Variants in DEPTOR observed in about 807,000 individuals in gnomAD.
DEPTOR encodes DEP domain-containing mTOR-interacting protein.
In DEPTOR, 41 loss-of-function variants were observed where a neutral mutation model predicts 41.6. That is an observed-to-expected ratio of 0.98 (90% CI 0.77 to 1.28). The LOEUF is 1.28. Among genes scored for constraint, DEPTOR ranks in the 50% most tolerant of loss-of-function variants. The probability of loss-of-function intolerance (pLI) is 0.00; values close to 1 mark genes in which losing one functional copy is unlikely to be tolerated. For missense variants in DEPTOR, 514 were observed against 527.9 expected (o/e 0.97, Z 0.26); for synonymous variants, 195 against 192.3 (o/e 1.01, Z -0.12).
intron 3 of DEPTOR, among the ~76,000 whole-genome samples, chr8:119,943,477 C>T (rs1273077507): frequency 6.6e-6 from 1 of 152,134 alleles, no homozygotes; most frequent in Non-Finnish European, 1.5e-5. Context: ...TGAGAACTCA[C>T]TCACTATCAC....
intron 1 of DEPTOR, among the ~76,000 whole-genome samples, chr8:119,893,543 C>T (rs931814489): frequency 3.9e-5 from 6 of 152,072 alleles, no homozygotes; most frequent in African/African-American, 7.2e-5. Flanking sequence ...GATCTTCTCT[C>T]CTAGGCCAGG....
At chr8:119,993,506 A>G (rs1452686876) in intron 4 of DEPTOR, among the ~76,000 whole-genome samples, 9 of 152,250 alleles carry the variant, frequency 5.9e-5, no homozygotes. Flanking sequence ...AACTGGTAAG[A>G]TCACAACTGG....
chr8:119,980,515 C>CTTTTCTTTTCTTTTCTTT (rs1828752225), intron 4 of DEPTOR, among the ~76,000 whole-genome samples: 4 of 41,526 alleles, frequency 9.6e-5, no homozygotes, highest in African/African-American at 4.0e-4. Flanking sequence ...TTTCTTTTCT[C>CTTTTCTTTTCTTTTCTTT]TCTTTGTGTT....
chr8:120,036,517 C>G (rs898409012), intron 8 of DEPTOR, among the ~76,000 whole-genome samples: 28 of 152,212 alleles, frequency 1.8e-4, no homozygotes, highest in African/African-American at 6.5e-4. Context: ...ATTTATGGGG[C>G]TGAACATACA....
intron 8 of DEPTOR, among the ~76,000 whole-genome samples, chr8:120,019,075 C>T (rs1469438422): frequency 1.3e-5 from 2 of 152,058 alleles, no homozygotes; most frequent in African/African-American, 4.8e-5. Context: ...GAGACTGAGG[C>T]GGACGGACCA....
chr8:120,009,605 T>C (rs1812500850), intron 8 of DEPTOR, among the ~76,000 whole-genome samples: 2 of 147,932 alleles, frequency 1.4e-5, no homozygotes, highest in Non-Finnish European at 3.0e-5. Flanking sequence ...AAAGCGAGAC[T>C]CTGTCTCTAA....
intron 4 of DEPTOR, among the ~76,000 whole-genome samples, chr8:119,981,351 A>G (rs1828764596): frequency 6.6e-6 from 1 of 152,088 alleles, no homozygotes; most frequent in Admixed American, 6.6e-5. Context: ...TGATTTTTTA[A>G]TATTTCCAGA....
chr8:120,026,376 C>T (rs1824931471), intron 8 of DEPTOR, among the ~76,000 whole-genome samples: 1 of 151,506 alleles, frequency 6.6e-6, no homozygotes, highest in African/African-American at 2.4e-5. Context: ...GAGTTTTGCT[C>T]TTATCACCCA....
chr8:119,901,074 C>T (rs1452455081), intron 1 of DEPTOR, among the ~76,000 whole-genome samples: 1 of 152,168 alleles, frequency 6.6e-6, no homozygotes, highest in Admixed American at 6.6e-5. Context: ...AGAATTGAAT[C>T]TCTCTGTGCT....
intron 1 of DEPTOR, among the ~76,000 whole-genome samples, chr8:119,877,608 G>A (rs780248332): frequency 1.3e-5 from 2 of 152,222 alleles, no homozygotes; most frequent in Non-Finnish European, 2.9e-5. Flanking sequence ...AGGTAGAGGT[G>A]ATAAGAGGAA....
chr8:119,967,340 A>G (rs1187731953), intron 4 of DEPTOR, among the ~76,000 whole-genome samples: 1 of 151,134 alleles, frequency 6.6e-6, no homozygotes, highest in Non-Finnish European at 1.5e-5. Flanking sequence ...TCAGCCTTCC[A>G]AAGTGCTGGG....
intron 3 of DEPTOR, among the ~76,000 whole-genome samples, chr8:119,944,475 G>A (rs556398222): frequency 6.6e-6 from 1 of 152,104 alleles, no homozygotes; most frequent in African/African-American, 2.4e-5. Context: ...TTCCAGCACA[G>A]CAGCCATCTC....
Position 120,003,002 on chromosome 8 carries a change from C to T in DEPTOR, c.816C>T (p.Ile272=), listed in dbSNP as rs777621611. 47 of 1,586,596 alleles carry T rather than the reference C, an allele frequency of 3.0e-5. 1 individual carries two copies. The highest frequency in any genetic ancestry group is 2.7e-4 in the African/African-American group (20 of 73,998). ...TGAGCCCCAGCAAGGAGATCAAGAT[C>T]GTGTCTGCAGTGAGGAGAAGCAGCA... is the stretch of plus-strand genomic sequence containing the variant. ...MSVSPSKEIK[I]VSAVRRSSMS... The change falls in exon 6 of 9, where the codon ATC becomes ATT. Residue 272 remains isoleucine, a synonymous_variant. Coordinates refer to ENST00000286234, the MANE Select transcript of DEPTOR (RefSeq NM_022783.4).
intron 8 of DEPTOR, among the ~76,000 whole-genome samples, chr8:120,016,883 G>A (rs917115524): frequency 3.3e-5 from 5 of 152,096 alleles, no homozygotes; most frequent in African/African-American, 1.2e-4. Context: ...ATAAAGTTGA[G>A]ATTACAGGCT....
chr8:119,889,700 G>A (rs2129710141), intron 1 of DEPTOR, among the ~76,000 whole-genome samples: 3 of 146,578 alleles, frequency 2.0e-5, no homozygotes, highest in South Asian at 4.5e-4. Context: ...GGAGAGGAGT[G>A]GAGAAGGGAA....
intron 8 of DEPTOR, among the ~76,000 whole-genome samples, chr8:120,018,060 T>C (rs569620714): frequency 6.6e-6 from 1 of 151,298 alleles, no homozygotes; most frequent in East Asian, 1.9e-4. Context: ...AGGAAAAAAA[T>C]GTCAAAATCC....
At chr8:120,003,239 C>A in intron 6 of DEPTOR, 128 bp downstream of exon 6, 1 of 1,457,162 alleles carries the variant, frequency 6.9e-7, no homozygotes, top group South Asian at 1.4e-5. Context: ...CTCTTGGGGT[C>A]CACACGTGTT....
At chr8:119,880,435 G>A (rs1586595372) in intron 1 of DEPTOR, among the ~76,000 whole-genome samples, 1 of 152,170 alleles carries the variant, frequency 6.6e-6, no homozygotes, top group East Asian at 1.9e-4. Flanking sequence ...AGAAAGTTAC[G>A]GTAGAGTTGA....
intron 8 of DEPTOR, among the ~76,000 whole-genome samples, chr8:120,013,125 C>G (rs1812557590): frequency 6.7e-6 from 1 of 149,664 alleles, no homozygotes. Flanking sequence ...CCATTGCACT[C>G]CAGCCTGGGT....
Sources: allele counts gnomAD v4.1 joint callset (sites outside exome capture counted in the v4.1 genomes callset), GRCh38; gene constraint gnomAD v4.1.1; transcripts MANE v1.5; gene names NCBI Gene and HGNC (gene_info 2026-07-23, HGNC 2026-07-21).